Variants in ABCA10 observed in about 807,000 individuals in gnomAD.
ABCA10 encodes ATP-binding cassette sub-family A member 10.
ABCA10 carries 169 observed loss-of-function variants against 187.5 expected under a neutral mutation model. That is an observed-to-expected ratio of 0.90 (90% CI 0.80 to 1.02). The LOEUF (loss-of-function observed/expected upper bound fraction) is 1.02. Among genes scored for constraint, ABCA10 ranks in the 50% least tolerant of loss-of-function variants. The pLI, the probability that ABCA10 is intolerant of heterozygous loss-of-function variation, is 0.00. For missense variants in ABCA10, 1,727 were observed against 1,812.4 expected (o/e 0.95, Z 0.86); for synonymous variants, 574 against 601.8 (o/e 0.95, Z 0.68).
chr17:69,215,967 T>G lies in ABCA10; in HGVS notation c.706A>C (p.Arg236=). ...GCCAAACCAGCGAGCATAGGTTTCCTTATTAAAACACTCATGAGGAAAGCC... is the reference window on the plus strand; with the variant it reads ...GCCAAACCAGCGAGCATAGGTTTCCGTATTAAAACACTCATGAGGAAAGCC... ...ALAFLMSVLI[R]KPMLAGLAGF... Residue 236 remains arginine (R), a synonymous_variant, in exon 8 of 39, where the codon AGG becomes CGG. Coordinates refer to ENST00000690296, the MANE Select transcript of ABCA10 (RefSeq NM_001377321.1). The G allele has an allele frequency of 6.2e-7, 1 of 1,613,282 alleles. No individual in the cohort carries two copies. Among genetic ancestry groups the G allele is most frequent in the South Asian group, 1.1e-5 (1 of 90,768 alleles).
chr17:69,221,721 G>T, intron 5 of ABCA10, 71 bp downstream of exon 5: 1 of 1,333,676 alleles, frequency 7.5e-7, no homozygotes, highest in South Asian at 1.4e-5. Context: ...AGTAAGGTAG[G>T]GGATGAGGCA....
upstream of ABCA10, among the ~76,000 whole-genome samples, chr17:69,230,799 C>T (rs955570459): frequency 1.2e-4 from 19 of 152,196 alleles, no homozygotes; most frequent in African/African-American, 3.9e-4. Context: ...CAGAATCCTT[C>T]GATCAAATTC....
chr17:69,241,355 C>A (rs933561130), intron 1 of ABCA10, among the ~76,000 whole-genome samples: 1 of 152,178 alleles, frequency 6.6e-6, no homozygotes, highest in African/African-American at 2.4e-5. Context: ...AATGCAATGG[C>A]CTCCTAACAG....
At chr17:69,151,287 T>C (rs2074126253) in intron 36 of ABCA10, among the ~76,000 whole-genome samples, 1 of 152,206 alleles carries the variant, frequency 6.6e-6, no homozygotes, top group Admixed American at 6.5e-5. Context: ...CAAACCCTGC[T>C]CAGTCTTAAA....
At chr17:69,172,426 G>A (rs545763378) in intron 25 of ABCA10, among the ~76,000 whole-genome samples, 90 of 152,170 alleles carry the variant, frequency 5.9e-4, no homozygotes, top group African/African-American at 1.9e-3. Flanking sequence ...ACACAGACGC[G>A]TCCAAAGGGA....
intron 1 of ABCA10, among the ~76,000 whole-genome samples, chr17:69,240,327 A>G (rs2074896203): frequency 6.6e-6 from 1 of 152,150 alleles, no homozygotes; most frequent in Non-Finnish European, 1.5e-5. Flanking sequence ...AGATCCTGGA[A>G]TGGGGCTTGT....
At chr17:69,175,357 C>T in intron 23 of ABCA10, 49 bp downstream of exon 23, 1 of 1,509,724 alleles carries the variant, frequency 6.6e-7, no homozygotes, top group Non-Finnish European at 9.1e-7. Flanking sequence ...GCAATTACTA[C>T]AGTCAAATAA....
chr17:69,197,892 T>G (rs1257845839), intron 10 of ABCA10, among the ~76,000 whole-genome samples: 1 of 152,244 alleles, frequency 6.6e-6, no homozygotes, highest in Non-Finnish European at 1.5e-5. Flanking sequence ...TAAATTCTAA[T>G]GATTCCCAAA....
rs2074434122 is a variant in ABCA10, at chr17:69,187,888, A to G, written c.2132-9T>C. 1.9e-6 allele frequency: 3 copies of G among 1,610,900 alleles called. No individual in the cohort carries two copies. Among genetic ancestry groups the G allele is most frequent in the South Asian group, 1.1e-5 (1 of 90,972 alleles). On this transcript the variant is annotated splice_polypyrimidine_tract_variant and intron_variant, in intron 18 of 38. Transcript: ENST00000690296. The stretch of plus-strand genomic sequence containing the variant: ...TTTCCCAATGTCAAAATCTACAATC[A>G]TGTAATAAAACATTTTAATAGGCTA...
chr17:69,151,073 C>A (rs2074124224), intron 36 of ABCA10, among the ~76,000 whole-genome samples: 1 of 152,166 alleles, frequency 6.6e-6, no homozygotes. Flanking sequence ...GTTGCCAGAC[C>A]AGATCTCAAT....
At chr17:69,197,505 T>C (rs1426045919) in intron 10 of ABCA10, among the ~76,000 whole-genome samples, 1 of 152,160 alleles carries the variant, frequency 6.6e-6, no homozygotes, top group Non-Finnish European at 1.5e-5. Flanking sequence ...TAATAATCTT[T>C]ACTCCCTATT....
At position 69,227,629 on chromosome 17, in the gene ABCA10, A is replaced by G. The variant is rs1169624099; in HGVS notation, c.-312-344T>C. On this transcript the variant is annotated intron_variant, in intron 1 of 38. Transcript: ENST00000690296. ...TAGTAATTTTTAGAATCCAAAAAAC[A>G]CTTTCTCTTTACTTGTTAAGAAAAA... Among the ~76,000 whole-genome samples, 5 of 152,056 alleles carry G rather than the reference A, an allele frequency of 3.3e-5. No individual in the cohort carries two copies. In the East Asian group the frequency reaches 9.6e-4, roughly 29 times the overall value.
chr17:69,164,900 G>A (rs1340572119), intron 26 of ABCA10, 64 bp downstream of exon 26: 2 of 1,533,744 alleles, frequency 1.3e-6, no homozygotes, highest in East Asian at 2.3e-5. Flanking sequence ...TCCGACAATG[G>A]GTAAGGATTT....
intron 5 of ABCA10, among the ~76,000 whole-genome samples, chr17:69,221,241 T>A (rs1315108981): frequency 6.6e-6 from 1 of 152,170 alleles, no homozygotes; most frequent in Non-Finnish European, 1.5e-5. Context: ...TTAATTGACA[T>A]GGAAGTTGTT....
chr17:69,151,375 T>C (rs759601646), intron 36 of ABCA10, among the ~76,000 whole-genome samples: 1 of 152,212 alleles, frequency 6.6e-6, no homozygotes, highest in African/African-American at 2.4e-5. Context: ...GGAAGAACCT[T>C]GTCTATTTTG....
Position 69,223,360 on chromosome 17 carries a change from TTCTCTGAGGTCAAGAACAC to T in ABCA10, c.35-682_35-664del, listed in dbSNP as rs1449401563. Among the ~76,000 whole-genome samples the T allele has an allele frequency of 1.8e-4, 27 of 152,140 alleles. 1 individual carries two copies. The highest frequency in any genetic ancestry group is 1.8e-3 in the Admixed American group (27 of 15,268). On this transcript the variant is annotated intron_variant, in intron 3 of 38. Coordinates refer to ENST00000690296, the MANE Select transcript of ABCA10 (RefSeq NM_001377321.1). ...ATAAAAAATATAGTCTACCTACAGATTCTCTGAGGTCAAGAACACTCTCTAAGAATTAAGTGTATAGTAA... is the reference window on the plus strand; with the variant it reads ...ATAAAAAATATAGTCTACCTACAGATTCTCTAAGAATTAAGTGTATAGTAA...
chr17:69,169,402 A>G (rs1159768836), intron 25 of ABCA10, among the ~76,000 whole-genome samples: 1 of 152,244 alleles, frequency 6.6e-6, no homozygotes, highest in African/African-American at 2.4e-5. Flanking sequence ...AGAAGCAGAC[A>G]TTTGTGAACT....
intron 32 of ABCA10, 103 bp downstream of exon 32, chr17:69,153,728 G>C: frequency 2.7e-6 from 4 of 1,470,068 alleles, no homozygotes; most frequent in Non-Finnish European, 3.7e-6. Context: ...TTATTTGCAT[G>C]AAAATTTAAA....
chr17:69,197,560 A>G (rs1246592760), intron 10 of ABCA10, among the ~76,000 whole-genome samples: 1 of 152,174 alleles, frequency 6.6e-6, no homozygotes, highest in African/African-American at 2.4e-5. Flanking sequence ...AAGACAACAT[A>G]GCTTCTCACT....
Sources: gnomAD v4.1 joint callset for allele counts (sites outside exome capture counted in the v4.1 genomes callset) on GRCh38, gnomAD v4.1.1 for gene constraint, MANE v1.5 for transcripts, NCBI Gene and HGNC (gene_info 2026-07-23, HGNC 2026-07-21) for gene names.